The following SLC23A2 variants were observed in gnomAD, a reference collection of about 807,000 sequenced individuals.
SLC23A2 encodes the protein solute carrier family 23 member 2, also known as Na(+)/L-ascorbic acid transporter 2.
Under a neutral mutation model 73.3 loss-of-function variants are expected in SLC23A2, and 36 were observed. The observed-to-expected ratio is 0.49, with a 90% CI of 0.38 to 0.65. The LOEUF is 0.65. Ranked by LOEUF, SLC23A2 falls within the 30% of genes least tolerant of loss-of-function variation. The pLI, the probability that SLC23A2 is intolerant of heterozygous loss-of-function variation, is 0.00. For synonymous variants in SLC23A2, 343 were observed against 327.3 expected (o/e 1.05, Z -0.52); for missense variants, 507 against 841.6 (o/e 0.60, Z 4.92).
chr20:4,983,410 G>A (rs1054776625), intron 1 of SLC23A2, among the ~76,000 whole-genome samples: 1 of 152,132 alleles, frequency 6.6e-6, no homozygotes, highest in African/African-American at 2.4e-5. Context: ...ACTTCGGGAG[G>A]CCAAGGCGGG....
chr20:4,932,585 C>T lies in SLC23A2; in HGVS notation c.-23G>A. ...CATTAAGAGAAACGAGTAGTTTACA[C>T]AGCCGTTGGGGAGAGCAGCTGGAAG... On this transcript the variant is annotated 5_prime_UTR_variant, in exon 3 of 17. In the 5' UTR this introduces an upstream ATG that the reference lacks. Transcript: ENST00000338244. The T allele has an allele frequency of 7.7e-7, 1 of 1,295,670 alleles. No homozygotes were observed. The highest frequency in any genetic ancestry group is 1.1e-6 in the Non-Finnish European group (1 of 888,988). 80.3% of individuals were successfully genotyped at this position (1,295,670 alleles called of 1,614,324 possible).
At chr20:4,874,481 C>G (rs1930578815) in intron 10 of SLC23A2, 95 bp downstream of exon 10, 1 of 1,181,490 alleles carries the variant, frequency 8.5e-7, no homozygotes, top group Non-Finnish European at 1.2e-6. Flanking sequence ...TATGATCCCC[C>G]AAGGAGGGCC....
At chr20:4,903,207 A>C (rs1349645784) in intron 4 of SLC23A2, among the ~76,000 whole-genome samples, 1 of 152,224 alleles carries the variant, frequency 6.6e-6, no homozygotes, top group African/African-American at 2.4e-5. Flanking sequence ...CACTAGTAAA[A>C]AAAATATTTT....
rs536498513 is a variant in SLC23A2 at position 4,947,576 on chromosome 20, C to T, written c.-154-14860G>A. Among the ~76,000 whole-genome samples, 2 of 152,284 alleles carry T rather than the reference C, an allele frequency of 1.3e-5. No individual in the cohort carries two copies. Among genetic ancestry groups the T allele is most frequent in the African/African-American group, 4.8e-5 (2 of 41,568 alleles). On this transcript the variant is annotated intron_variant, in intron 2 of 16. Coordinates refer to ENST00000338244, the MANE Select transcript of SLC23A2 (RefSeq NM_005116.6). The surrounding 1 kb of genome is among the most constrained non-coding windows in gnomAD (Gnocchi z 4.4). ...TGAACTATCAAGTCCCAGGCACAAA[C>T]ATGGTTTCACTTAGCCCTTATAAAA...
intron 13 of SLC23A2, among the ~76,000 whole-genome samples, chr20:4,866,846 C>T (rs1056444471): frequency 1.3e-5 from 2 of 152,132 alleles, no homozygotes; most frequent in Admixed American, 6.5e-5. Flanking sequence ...TTTCCGGGCT[C>T]ACCCCAAGTC....
At chr20:4,922,010 T>C (rs1932513679) in intron 3 of SLC23A2, among the ~76,000 whole-genome samples, 1 of 152,210 alleles carries the variant, frequency 6.6e-6, no homozygotes, top group Admixed American at 6.5e-5. Context: ...ATATCATATC[T>C]TCCTCCTCAA....
chr20:4,878,075 T>C (rs185847858), intron 9 of SLC23A2, among the ~76,000 whole-genome samples: 4 of 152,372 alleles, frequency 2.6e-5, no homozygotes, highest in Admixed American at 2.6e-4. Context: ...TGGCTACTCC[T>C]ATCACACCCT....
chr20:4,916,280 G>A (rs1324057877), intron 3 of SLC23A2, among the ~76,000 whole-genome samples: 6 of 152,174 alleles, frequency 3.9e-5, no homozygotes, highest in Non-Finnish European at 2.9e-5. Flanking sequence ...CACGCTCTCA[G>A]GATGAACTCT....
chr20:4,887,276 T>G (rs1366988169), intron 6 of SLC23A2, among the ~76,000 whole-genome samples: 1 of 152,172 alleles, frequency 6.6e-6, no homozygotes, highest in African/African-American at 2.4e-5. Context: ...GAAAACACTG[T>G]TTGACTTCTA....
At chr20:4,964,622 CA>C (rs1379415851) in intron 2 of SLC23A2, among the ~76,000 whole-genome samples, 5 of 151,950 alleles carry the variant, frequency 3.3e-5, no homozygotes, top group Non-Finnish European at 7.4e-5. Context: ...GACAGGCTTA[CA>C]AAACAAACCT....
chr20:4,886,471 C>T (rs1931102509), intron 6 of SLC23A2, among the ~76,000 whole-genome samples: 1 of 152,124 alleles, frequency 6.6e-6, no homozygotes, highest in African/African-American at 2.4e-5. Context: ...AAATATTCTG[C>T]TTAATCATAA....
chr20:4,942,111 A>C (rs370904136), intron 2 of SLC23A2, among the ~76,000 whole-genome samples: 1 of 152,172 alleles, frequency 6.6e-6, no homozygotes, highest in Non-Finnish European at 1.5e-5. Flanking sequence ...TCCAGGGGAA[A>C]GGCTGGTTCC....
At chr20:4,887,775 T>C (rs918426623) in intron 6 of SLC23A2, among the ~76,000 whole-genome samples, 2 of 152,172 alleles carry the variant, frequency 1.3e-5, no homozygotes, top group Non-Finnish European at 2.9e-5. Context: ...TGTGTTCACG[T>C]CTAGCCAGGC....
intron 1 of SLC23A2, among the ~76,000 whole-genome samples, chr20:4,982,560 A>G (rs369849353): frequency 6.6e-6 from 1 of 152,164 alleles, no homozygotes; most frequent in East Asian, 1.9e-4. Context: ...TAGTCAAAAC[A>G]ATCTTGAAAA....
At chr20:4,900,356 T>G (rs1332254450) in intron 5 of SLC23A2, among the ~76,000 whole-genome samples, 1 of 152,256 alleles carries the variant, frequency 6.6e-6, no homozygotes, top group Non-Finnish European at 1.5e-5. Context: ...CATAAATTGC[T>G]AAAACCATAA....
At chr20:4,974,198 CGGT>C (rs760121497) in intron 1 of SLC23A2, among the ~76,000 whole-genome samples, 3 of 152,014 alleles carry the variant, frequency 2.0e-5, no homozygotes, top group Non-Finnish European at 4.4e-5. Flanking sequence ...CAGCCAGGCG[CGGT>C]GGTTTATGCC....
At chr20:4,966,494 T>C (rs936406294) in intron 2 of SLC23A2, among the ~76,000 whole-genome samples, 2 of 152,124 alleles carry the variant, frequency 1.3e-5, no homozygotes, top group African/African-American at 4.8e-5. Flanking sequence ...GAATGTAACA[T>C]ATACAATAGA....
At chr20:4,889,525 C>A (rs1180468350) in intron 6 of SLC23A2, among the ~76,000 whole-genome samples, 1 of 151,790 alleles carries the variant, frequency 6.6e-6, no homozygotes, top group Non-Finnish European at 1.5e-5. Context: ...CCACAGAGGA[C>A]ATCCCAATAG....
At chr20:4,875,977 C>T (rs919321422) in intron 9 of SLC23A2, among the ~76,000 whole-genome samples, 4 of 152,298 alleles carry the variant, frequency 2.6e-5, no homozygotes, top group South Asian at 2.1e-4. Flanking sequence ...GGAGAACATG[C>T]GTGTGTTGCT....
Sources: allele counts gnomAD v4.1 joint callset (sites outside exome capture counted in the v4.1 genomes callset), GRCh38; gene constraint gnomAD v4.1.1; non-coding constraint Gnocchi (gnomAD v3.1); transcripts MANE v1.5; gene names NCBI Gene and HGNC (gene_info 2026-07-23, HGNC 2026-07-21).